PTK2B: variants seen among roughly 807,000 people sequenced by gnomAD.
The protein encoded by PTK2B is protein tyrosine kinase 2 beta.
Under a neutral mutation model 142.9 loss-of-function variants are expected in PTK2B, and 71 were observed. The observed-to-expected ratio is 0.50, with a 90% CI of 0.41 to 0.61. PTK2B has a LOEUF of 0.61. Among genes scored for constraint, PTK2B ranks in the 20% least tolerant of loss-of-function variants. The pLI is 0.00. For synonymous variants in PTK2B, 519 were observed against 503.4 expected (o/e 1.03, Z -0.42); for missense variants, 1,105 against 1,320.4 (o/e 0.84, Z 2.53).
intron 2 of PTK2B, among the ~76,000 whole-genome samples, chr8:27,408,287 G>A (rs556313529): frequency 6.6e-6 from 1 of 152,312 alleles, no homozygotes; most frequent in East Asian, 1.9e-4. Flanking sequence ...GACCTACATT[G>A]TTGGACTATA....
intron 1 of PTK2B, among the ~76,000 whole-genome samples, chr8:27,339,607 T>C (rs1409331209): frequency 6.6e-6 from 1 of 152,118 alleles, no homozygotes; most frequent in Non-Finnish European, 1.5e-5. Context: ...GAGATGACCT[T>C]TAAAGGCTCA....
intron 1 of PTK2B, among the ~76,000 whole-genome samples, chr8:27,362,840 C>T (rs1013966870): frequency 2.0e-5 from 3 of 152,172 alleles, no homozygotes; most frequent in African/African-American, 4.8e-5. Context: ...TGCTCCCACA[C>T]GAAATCTAGA....
At chr8:27,347,559 C>T (rs1444259503) in intron 1 of PTK2B, among the ~76,000 whole-genome samples, 3 of 152,148 alleles carry the variant, frequency 2.0e-5, no homozygotes, top group Non-Finnish European at 4.4e-5. Flanking sequence ...CAAATGCCAT[C>T]TGTTGCCTGT....
At chr8:27,368,685 T>G (rs1806161530) in intron 1 of PTK2B, among the ~76,000 whole-genome samples, 1 of 152,220 alleles carries the variant, frequency 6.6e-6, no homozygotes, top group Admixed American at 6.5e-5. Context: ...TTGTCTCTTC[T>G]GCTCCCAGCA....
rs536004141 is a variant in PTK2B at position 27,419,951 on chromosome 8, T to C, written c.261T>C (p.Ala87=). The C allele has an allele frequency of 6.2e-7, 1 of 1,614,234 alleles. No homozygotes were observed. The highest frequency in any genetic ancestry group is 1.3e-5 in the African/African-American group (1 of 75,066). ...GGATCGGGCCCAACATCCGGTTGGC[T>C]GAGTGCTATGGGCTGAGGCTGAAGC... The part of the protein sequence containing the change: ...SGRIGPNIRL[A]ECYGLRLKHM... Residue 87 remains alanine (A), a synonymous_variant, in exon 3 of 31, where the codon GCT becomes GCC. Transcript: ENST00000346049.
At chr8:27,417,720 T>C (rs762764924) in intron 2 of PTK2B, among the ~76,000 whole-genome samples, 6 of 152,168 alleles carry the variant, frequency 3.9e-5, no homozygotes, top group Non-Finnish European at 7.3e-5. Context: ...GGGGGTTTAT[T>C]ATACTCTTCT....
intron 1 of PTK2B, among the ~76,000 whole-genome samples, chr8:27,347,512 A>C (rs1165149271): frequency 7.3e-6 from 1 of 137,724 alleles, no homozygotes; most frequent in Non-Finnish European, 1.6e-5. Context: ...AGGTGTCAGC[A>C]GGGCTGGTTT....
In PTK2B at chr8:27,440,391, C is replaced by A; in HGVS notation, c.1989C>A (p.Asp663Glu). The change falls in exon 21 of 31, where the codon GAC (aspartate) becomes GAA (glutamate). Residue 663 changes from aspartate to glutamate, a missense_variant. Coordinates refer to ENST00000346049, the MANE Select transcript of PTK2B (RefSeq NM_173176.3). The stretch of plus-strand genomic sequence containing the variant: ...ATACCCTCATGACCCGCTGCTGGGA[C>A]TACGACCCCAGTGACCGGCCCCGCT... ...VLYTLMTRCW[D>E]YDPSDRPRFT... 6.2e-7 allele frequency: 1 copy of A among 1,614,202 alleles called. No homozygotes were observed. Among genetic ancestry groups the A allele is most frequent in the South Asian group, 1.1e-5 (1 of 91,078 alleles).
chr8:27,430,742 A>G (rs1810360620), intron 7 of PTK2B, 134 bp from the exon 8 acceptor site: 1 of 1,304,658 alleles, frequency 7.7e-7, no homozygotes, highest in Admixed American at 2.2e-5. Context: ...TAGGTCATAG[A>G]TCACAGCTGC....
intron 1 of PTK2B, among the ~76,000 whole-genome samples, chr8:27,338,710 A>G (rs1479528645): frequency 2.0e-5 from 3 of 152,328 alleles, no homozygotes; most frequent in African/African-American, 7.2e-5. Context: ...TTGTTGTTCA[A>G]AATAAGATAA....
chr8:27,351,246 T>C (rs983976446), intron 1 of PTK2B, among the ~76,000 whole-genome samples: 8 of 150,988 alleles, frequency 5.3e-5, no homozygotes, highest in Admixed American at 2.6e-4. Flanking sequence ...GCAGTGGGAT[T>C]TAATCTATGT....
At chr8:27,352,977 T>C (rs1006254633) in intron 1 of PTK2B, among the ~76,000 whole-genome samples, 1 of 152,216 alleles carries the variant, frequency 6.6e-6, no homozygotes, top group African/African-American at 2.4e-5. Context: ...TGTAGCATTT[T>C]ACATAACAAG....
chr8:27,385,453 T>C (rs1807289652), intron 1 of PTK2B, among the ~76,000 whole-genome samples: 1 of 152,214 alleles, frequency 6.6e-6, no homozygotes, highest in Non-Finnish European at 1.5e-5. Context: ...CATTGAGATA[T>C]CTGTCTATCC....
chr8:27,311,186 T>C, upstream of PTK2B: 3 of 1,602,202 alleles, frequency 1.9e-6, no homozygotes, highest in Non-Finnish European at 2.6e-6. Flanking sequence ...GAGCAACTCC[T>C]CCTTGAAGGA....
intron 1 of PTK2B, among the ~76,000 whole-genome samples, chr8:27,342,364 T>G (rs6997075): frequency 0.8 from 121,756 of 151,254 alleles, 49,629 homozygotes; most frequent in Middle Eastern, 0.87. Flanking sequence ...ATAGCTCACT[T>G]CAGTCTCAAC....
At chr8:27,312,405 G>A (rs566783200) in intron 2 of PTK2B, 6 of 152,260 alleles carry the variant, frequency 3.9e-5, no homozygotes, top group African/African-American at 1.4e-4. Flanking sequence ...TCCTAAACTT[G>A]GGGCCCCTCT....
intron 23 of PTK2B, 53 bp downstream of exon 23, chr8:27,444,324 C>T (rs1420020317): frequency 3.2e-6 from 5 of 1,556,780 alleles, no homozygotes; most frequent in East Asian, 4.5e-5. Context: ...CATCCAGGTC[C>T]TGAAACTCCA....
chr8:27,431,913 C>A (rs1810452077), intron 9 of PTK2B, among the ~76,000 whole-genome samples: 1 of 152,172 alleles, frequency 6.6e-6, no homozygotes, highest in Non-Finnish European at 1.5e-5. Flanking sequence ...TAGATCAAGC[C>A]TGTGGTCCCA....
chr8:27,458,543 C>T lies in PTK2B; in HGVS notation c.*34C>T, dbSNP rs756327082. 696 of 1,541,648 alleles carry T rather than the reference C, an allele frequency of 4.5e-4. No individual in the cohort carries two copies. Among genetic ancestry groups the T allele is most frequent in the Non-Finnish European group, 5.7e-4 (649 of 1,141,746 alleles). ...GGGGGCCACCTGCCTGCGTCTTCCG[C>T]CCCTGCCTGCCATGTACCTCCCCTG... On this transcript the variant is annotated 3_prime_UTR_variant, in exon 31 of 31. Coordinates refer to ENST00000346049, the MANE Select transcript of PTK2B (RefSeq NM_173176.3).
Sources: gnomAD v4.1 joint callset for allele counts (sites outside exome capture counted in the v4.1 genomes callset) on GRCh38, gnomAD v4.1.1 for gene constraint, MANE v1.5 for transcripts, NCBI Gene and HGNC (gene_info 2026-07-23, HGNC 2026-07-21) for gene names.